SEPTIN12: variants seen among roughly 807,000 people sequenced by gnomAD.
SEPTIN12 encodes the protein septin 12.
SEPTIN12 carries 42 observed loss-of-function variants against 37.7 expected under a neutral mutation model. The observed-to-expected ratio is 1.11, with a 90% CI of 0.87 to 1.44. The LOEUF is 1.44. Ranked by LOEUF, SEPTIN12 falls within the 40% of genes most tolerant of loss-of-function variation. The pLI is 0.00. For synonymous variants in SEPTIN12, 254 were observed against 196.7 expected (o/e 1.29, Z -2.44); for missense variants, 613 against 479.2 (o/e 1.28, Z -2.61).
rs1425305474 is a variant in SEPTIN12, at chr16:4,777,657, T to G, written c.*140A>C. The stretch of plus-strand genomic sequence containing the variant: ...TTTGTGGATAGCTCAAAGAAGTCAT[T>G]TACAAAATGCCTTTTGTTTTCAAAG... On this transcript the variant is annotated 3_prime_UTR_variant, in exon 10 of 10. Coordinates refer to ENST00000268231, the MANE Select transcript of SEPTIN12 (RefSeq NM_144605.5). 1 of 682,576 alleles carries G rather than the reference T, an allele frequency of 1.5e-6. No homozygotes were observed. Among genetic ancestry groups the G allele is most frequent in the African/African-American group, 1.8e-5 (1 of 55,216 alleles). The allele number at this position is 682,576 out of a possible 1,614,324, so 42.3% of individuals were successfully genotyped here.
At chr16:4,785,718 C>A (rs2082429935) in intron 4 of SEPTIN12, 89 bp downstream of exon 4, 1 of 905,950 alleles carries the variant, frequency 1.1e-6, no homozygotes, top group Non-Finnish European at 1.8e-6. Flanking sequence ...GTGGAGGTTG[C>A]AGTGAGCCGA....
chr16:4,783,233 A>C, intron 7 of SEPTIN12: 1 of 563,094 alleles, frequency 1.8e-6, no homozygotes, highest in Non-Finnish European at 3.2e-6. Flanking sequence ...TATTCAGGAT[A>C]CAAGCCCCTT....
upstream of SEPTIN12, among the ~76,000 whole-genome samples, chr16:4,790,237 G>C (rs902289708): frequency 6.6e-6 from 1 of 152,146 alleles, no homozygotes; most frequent in African/African-American, 2.4e-5. Flanking sequence ...CCCTATTTTA[G>C]GCTTTGCTGG....
Position 4,783,460 on chromosome 16 carries a change from A to G in SEPTIN12, c.726+2T>C, listed in dbSNP as rs1567563568. On this transcript the variant is annotated splice_donor_variant, in intron 7 of 9. Coordinates refer to ENST00000268231, the MANE Select transcript of SEPTIN12 (RefSeq NM_144605.5). LOFTEE classifies it high-confidence loss of function. ...CCCGCCTCCCGCCCCACAGCCTCTCACCCGTAACTTGCTGTTGAGGATTTT... is the reference window on the plus strand; with the variant it reads ...CCCGCCTCCCGCCCCACAGCCTCTCGCCCGTAACTTGCTGTTGAGGATTTT... 1 of 1,613,022 alleles carries G rather than the reference A, an allele frequency of 6.2e-7. No individual in the cohort carries two copies. The highest frequency in any genetic ancestry group is 1.7e-5 in the Admixed American group (1 of 60,000).
intron 7 of SEPTIN12, among the ~76,000 whole-genome samples, chr16:4,780,488 A>G (rs1016780227): frequency 6.6e-6 from 1 of 152,182 alleles, no homozygotes; most frequent in Non-Finnish European, 1.5e-5. Flanking sequence ...GAGTTGAATC[A>G]TCACAACAGA....
intron 2 of SEPTIN12, 138 bp downstream of exon 2, chr16:4,787,342 C>A: frequency 1.2e-6 from 1 of 810,052 alleles, no homozygotes. Context: ...TTTTCAATGA[C>A]AACATCCCTG....
chr16:4,782,328 A>C (rs1424228473), intron 7 of SEPTIN12, among the ~76,000 whole-genome samples: 2 of 152,126 alleles, frequency 1.3e-5, no homozygotes, highest in Non-Finnish European at 2.9e-5. Flanking sequence ...AATAGGCCGC[A>C]CTGTGTTTCC....
rs894756580 is a variant in SEPTIN12 at position 4,785,837 on chromosome 16, C to T, written c.344G>A (p.Gly115Asp). 6.2e-7 allele frequency: 1 copy of T among 1,612,986 alleles called. No individual in the cohort carries two copies. Among genetic ancestry groups the T allele is most frequent in the Non-Finnish European group, 8.5e-7 (1 of 1,179,696 alleles). ...GTCATTGTTGATCTGGTCCCCGAAG[C>T]CGGGCGTGTCCGTCACCGTCAGCTT... is the stretch of plus-strand genomic sequence containing the variant. The part of the protein sequence containing the change: ...KLKLTVTDTP[G>D]FGDQINNDNC... The change falls in exon 4 of 10, where the codon GGC (glycine) becomes GAC (aspartate). Residue 115 changes from glycine (G) to aspartate (D), a missense_variant. Physicochemically the swap from Gly to Asp is moderately conservative, Grantham distance 94. Transcript: ENST00000268231.
rs2082325058 is a variant in SEPTIN12 at position 4,777,614 on chromosome 16, T to G, written c.*183A>C. Reference sequence around the variant, plus strand: ...CTGTACTCCAGCCTGGGTAACAGAGTGACACCCAGCCTTTTTATTTGTGGA... The same window carrying G: ...CTGTACTCCAGCCTGGGTAACAGAGGGACACCCAGCCTTTTTATTTGTGGA... On this transcript the variant is annotated 3_prime_UTR_variant, in exon 10 of 10. Transcript: ENST00000268231. The G allele has an allele frequency of 1.7e-6, 1 of 572,110 alleles. No individual in the cohort carries two copies. The highest frequency in any genetic ancestry group is 1.9e-5 in the African/African-American group (1 of 53,004). 35.4% of individuals were successfully genotyped at this position (572,110 alleles called of 1,614,324 possible).
intron 7 of SEPTIN12, among the ~76,000 whole-genome samples, chr16:4,781,443 C>T: frequency 6.6e-6 from 1 of 152,052 alleles, no homozygotes; most frequent in East Asian, 1.9e-4. Context: ...AATCACTCCC[C>T]ATTTCTCCCT....
At chr16:4,783,877 C>T (rs139184327) in intron 5 of SEPTIN12, 54 bp downstream of exon 5, 64 of 1,609,842 alleles carry the variant, frequency 4.0e-5, no homozygotes, top group Admixed American at 1.3e-4. Context: ...GACCCCTTCT[C>T]CTCCTCCCTG....
intron 7 of SEPTIN12, among the ~76,000 whole-genome samples, chr16:4,782,777 G>C (rs1312299515): frequency 1.3e-5 from 2 of 151,972 alleles, no homozygotes; most frequent in Non-Finnish European, 1.5e-5. Flanking sequence ...CTGATTTCTT[G>C]TATTTTTAGT....
chr16:4,783,387 A>G, intron 7 of SEPTIN12, 75 bp downstream of exon 7: 1 of 1,097,006 alleles, frequency 9.1e-7, no homozygotes, highest in South Asian at 1.3e-5. Flanking sequence ...GATGTAGAGA[A>G]AGATGAGTCT....
At chr16:4,787,450 G>A in intron 2 of SEPTIN12, 30 bp downstream of exon 2, 1 of 1,606,540 alleles carries the variant, frequency 6.2e-7, no homozygotes, top group African/African-American at 1.3e-5. Flanking sequence ...CTGTGGGTCT[G>A]TCCTGCCGTG....
Position 4,783,752 on chromosome 16 carries a change from T to A in SEPTIN12, c.527A>T (p.Asp176Val). The change falls in exon 6 of 10, where the codon GAC becomes GTC. Residue 176 changes from aspartate (D) to valine (V), a missense_variant. Coordinates refer to ENST00000268231, the MANE Select transcript of SEPTIN12 (RefSeq NM_144605.5). ...GCACAGCCGCTGCAGGAACTCAATG[T>A]CCAGGGGCCGCAGGCTGCCGGAGGC... ...PPTGHCLRPL[D>V]IEFLQRLCRT... 1.2e-6 allele frequency: 2 copies of A among 1,613,840 alleles called. No individual in the cohort carries two copies. The highest frequency in any genetic ancestry group is 2.7e-5 in the African/African-American group (2 of 75,046).
chr16:4,785,727 G>C, intron 4 of SEPTIN12, 80 bp downstream of exon 4: 2 of 1,026,838 alleles, frequency 1.9e-6, no homozygotes, highest in Non-Finnish European at 3.0e-6. Context: ...GCAGTGAGCC[G>C]AGATCATGCC....
chr16:4,787,359 G>A (rs766776866), intron 2 of SEPTIN12, 121 bp downstream of exon 2: 2 of 872,280 alleles, frequency 2.3e-6, no homozygotes, highest in Non-Finnish European at 3.8e-6. Flanking sequence ...CCTGTGAGGT[G>A]CTATTATCAG....
Position 4,778,145 on chromosome 16 carries a change from A to G in SEPTIN12, c.824-8T>C. The G allele has an allele frequency of 6.2e-7, 1 of 1,614,178 alleles. No homozygotes were observed. The highest frequency in any genetic ancestry group is 8.5e-7 in the Non-Finnish European group (1 of 1,180,012). On this transcript the variant is annotated splice_region_variant and splice_polypyrimidine_tract_variant and intron_variant, in intron 8 of 9. Transcript: ENST00000268231. ...AGTGCGCCATGTTCTCCACTGCAAG[A>G]CATGGGACTCAGTATGGGCGCTGCT... is the stretch of plus-strand genomic sequence containing the variant.
At chr16:4,780,925 A>G (rs8047008) in intron 7 of SEPTIN12, among the ~76,000 whole-genome samples, 52,728 of 151,320 alleles carry the variant, frequency 0.35, 10,466 homozygotes, top group African/African-American at 0.55. Flanking sequence ...GTTGCTGTGA[A>G]CGGAGATCCT....
Sources: gnomAD v4.1 joint callset for allele counts (sites outside exome capture counted in the v4.1 genomes callset) on GRCh38, gnomAD v4.1.1 for gene constraint, MANE v1.5 for transcripts, NCBI Gene and HGNC (gene_info 2026-07-23, HGNC 2026-07-21) for gene names.